Variants in CFAP45 observed in about 807,000 individuals in gnomAD.
The protein encoded by CFAP45 is cilia- and flagella-associated protein 45.
CFAP45 carries 43 observed loss-of-function variants against 75.6 expected under a neutral mutation model. That is an observed-to-expected ratio of 0.57 (90% CI 0.45 to 0.73). The LOEUF (loss-of-function observed/expected upper bound fraction) is 0.73, where lower values mean the gene tolerates loss of function less well. Ranked by LOEUF, CFAP45 falls within the 30% of genes least tolerant of loss-of-function variation. CFAP45 has a pLI of 0.00. For missense variants in CFAP45, 689 were observed against 701.5 expected (o/e 0.98, Z 0.20); for synonymous variants, 223 against 244.6 (o/e 0.91, Z 0.82).
Position 159,872,997 on chromosome 1 carries a change from C to G in CFAP45, c.1524G>C (p.Gln508His). 2 of 1,614,144 alleles carry G rather than the reference C, an allele frequency of 1.2e-6. No homozygotes were observed. The highest frequency in any genetic ancestry group is 1.7e-6 in the Non-Finnish European group (2 of 1,180,060). The change falls in exon 11 of 12, where the codon CAG becomes CAC. Residue 508 changes from glutamine to histidine, a missense_variant. Gln to His is a conservative substitution (Grantham distance 24). Coordinates refer to ENST00000368099, the MANE Select transcript of CFAP45 (RefSeq NM_012337.3). The stretch of plus-strand genomic sequence containing the variant: ...TCTCATCGATGCGCTCACGGCGTTT[C>G]TGGGCCTCCTCTTTGAGGCGCCGGC... ...EEGRRLKEEA[Q>H]KRRERIDEIK...
In CFAP45 at chr1:159,900,103, T is replaced by C; in HGVS notation, c.-5A>G. On this transcript the variant is annotated 5_prime_UTR_variant, in exon 1 of 12. Transcript: ENST00000368099. ...TCTGAGGTTCTCCCTCACCATCTCCTCAGCCACACGCCCTGACTCCGGACT... is the reference window on the plus strand; with the variant it reads ...TCTGAGGTTCTCCCTCACCATCTCCCCAGCCACACGCCCTGACTCCGGACT... The C allele has an allele frequency of 6.2e-7, 1 of 1,613,994 alleles. No individual in the cohort carries two copies. Among genetic ancestry groups the C allele is most frequent in the Non-Finnish European group, 8.5e-7 (1 of 1,179,972 alleles).
chr1:159,884,132 G>C (rs1032031478), intron 7 of CFAP45, among the ~76,000 whole-genome samples: 6 of 152,236 alleles, frequency 3.9e-5, no homozygotes, highest in African/African-American at 1.4e-4. Context: ...ACATCCCTAT[G>C]TTTACTTGTG....
Position 159,872,526 on chromosome 1 carries a change from C to T in CFAP45, c.1615G>A (p.Glu539Lys). The change falls in exon 12 of 12, where the codon GAG becomes AAG. Residue 539 changes from glutamate to lysine, a missense_variant. Transcript: ENST00000368099. ...GLPEKYCIEAERKANILPATS... is the reference protein window; with the variant it reads ...GLPEKYCIEAKRKANILPATS... Reference sequence around the variant, plus strand: ...GCTGGCAGGATGTTAGCTTTGCGCTCAGCTTCAATGCAGTACTTCTCGGGA... The same window carrying T: ...GCTGGCAGGATGTTAGCTTTGCGCTTAGCTTCAATGCAGTACTTCTCGGGA... 2 of 1,614,160 alleles carry T rather than the reference C, an allele frequency of 1.2e-6. No individual in the cohort carries two copies. The highest frequency in any genetic ancestry group is 1.1e-5 in the South Asian group (1 of 91,066).
chr1:159,877,875 AAAATAAATAAAT>A (rs56408622), intron 8 of CFAP45, among the ~76,000 whole-genome samples: 5 of 148,972 alleles, frequency 3.4e-5, no homozygotes, highest in African/African-American at 5.0e-5. Flanking sequence ...ACCTTGTCTC[AAAATAAATAAAT>A]AAATAAATAA....
chr1:159,897,088 A>C, intron 1 of CFAP45, among the ~76,000 whole-genome samples: 1 of 151,664 alleles, frequency 6.6e-6, no homozygotes, highest in South Asian at 2.1e-4. Context: ...ACATGGCAAA[A>C]CCCCATCTCT....
At position 159,900,149 on chromosome 1, in the gene CFAP45, G is replaced by T. The variant is rs200879197; in HGVS notation, c.-51C>A. ...GGACTTCTGCTGCCGCCTCGGCGCC[G>T]CCAAGGCCCTAGTGTTGACGCGTTA... On this transcript the variant is annotated 5_prime_UTR_variant, in exon 1 of 12. Transcript: ENST00000368099. The T allele has an allele frequency of 2.6e-5, 42 of 1,613,300 alleles. 3 individuals are homozygous for T. The Middle Eastern group carries it at 6.5e-3, about 249-fold the overall frequency.
intron 2 of CFAP45, 86 bp downstream of exon 2, chr1:159,893,094 T>A: frequency 6.8e-7 from 1 of 1,466,754 alleles, no homozygotes; most frequent in Non-Finnish European, 9.5e-7. Context: ...AGAGCAAGGT[T>A]ACTCAGCAGA....
At chr1:159,899,588 C>T (rs1487467523) in intron 1 of CFAP45, among the ~76,000 whole-genome samples, 2 of 151,688 alleles carry the variant, frequency 1.3e-5, no homozygotes, top group Non-Finnish European at 2.9e-5. Context: ...CTGCCTCAGC[C>T]TCCCGAGTAG....
intron 6 of CFAP45, among the ~76,000 whole-genome samples, chr1:159,885,885 G>C (rs567718763): frequency 1.4e-4 from 22 of 152,082 alleles, no homozygotes; most frequent in African/African-American, 5.3e-4. Context: ...GAAAGAAAAG[G>C]GTATTCAAAA....
chr1:159,893,337 A>G, intron 1 of CFAP45, 32 bp from the exon 2 acceptor site: 2 of 1,609,354 alleles, frequency 1.2e-6, no homozygotes, highest in South Asian at 1.1e-5. Context: ...TTGGGTCATC[A>G]GTACTGAGTG....
At chr1:159,886,461 A>C (rs1465087115) in intron 6 of CFAP45, 50 bp downstream of exon 6, 1 of 1,508,630 alleles carries the variant, frequency 6.6e-7, no homozygotes, top group South Asian at 1.1e-5. Context: ...ATGGACCTAA[A>C]GATACATGGA....
At chr1:159,881,244 A>G (rs1557912486) in intron 7 of CFAP45, among the ~76,000 whole-genome samples, 1 of 152,248 alleles carries the variant, frequency 6.6e-6, no homozygotes, top group African/African-American at 2.4e-5. Flanking sequence ...AAAGAAACTG[A>G]GGCCCAGCAT....
At chr1:159,887,668 G>C (rs1379120215) in intron 5 of CFAP45, among the ~76,000 whole-genome samples, 173 bp downstream of exon 5, 1 of 152,248 alleles carries the variant, frequency 6.6e-6, no homozygotes, top group Non-Finnish European at 1.5e-5. Flanking sequence ...CGAACAGGTG[G>C]CAGAGCCAGT....
intron 7 of CFAP45, among the ~76,000 whole-genome samples, chr1:159,883,288 C>CTGAATGAATGAATGAA (rs145427366): frequency 1.2e-3 from 185 of 151,174 alleles, no homozygotes; most frequent in African/African-American, 4.4e-3. Flanking sequence ...GAATGAAGAA[C>CTGAATGAATGAATGAA]TGAATGAATG....
intron 8 of CFAP45, among the ~76,000 whole-genome samples, chr1:159,880,149 AG>A (rs1438775016): frequency 6.6e-6 from 1 of 152,222 alleles, no homozygotes; most frequent in Non-Finnish European, 1.5e-5. Flanking sequence ...CACCCAATAC[AG>A]GATGTCCAAT....
Position 159,886,609 on chromosome 1 carries a change from T to G in CFAP45, c.669A>C (p.Thr223=), listed in dbSNP as rs777025315. ...TCATCTGATCCAACCGCTTCTCTTC[T>G]GTGTCCAGTTCTTTTTGGATCTGCT... is the stretch of plus-strand genomic sequence containing the variant. The part of the protein sequence containing the change: ...EKQQIQKELD[T]EEKRLDQMME... Residue 223 remains threonine (T), a synonymous_variant, in exon 6 of 12, where the codon ACA becomes ACC. Coordinates refer to ENST00000368099, the MANE Select transcript of CFAP45 (RefSeq NM_012337.3). The G allele has an allele frequency of 3.9e-5, 63 of 1,614,174 alleles. No homozygotes were observed. In the Middle Eastern group the frequency reaches 4.9e-4, roughly 13 times the overall value.
At chr1:159,891,127 A>G (rs4233361) in intron 2 of CFAP45, among the ~76,000 whole-genome samples, 113,964 of 152,122 alleles carry the variant, frequency 0.75, 42,813 homozygotes, top group East Asian at 0.83. Context: ...GGTAGGGATA[A>G]CAAGGAGTGG....
chr1:159,884,511 C>G lies in CFAP45; in HGVS notation c.822G>C (p.Leu274=), dbSNP rs375491975. The G allele has an allele frequency of 1.6e-5, 26 of 1,613,800 alleles. No individual in the cohort carries two copies. The highest frequency in any genetic ancestry group is 1.6e-4 in the Middle Eastern group (1 of 6,082). ...TCTCCTGCTCCCGCTGCTCAGCAAG[C>G]AGCGATCGCTCCTCCTGGTTCTTTT... ...QMEKNQEERS[L]LAEQREQEKE... is the part of the protein sequence containing the mutation. Residue 274 remains leucine (L), a synonymous_variant, in exon 7 of 12, where the codon CTG becomes CTC. Transcript: ENST00000368099.
chr1:159,897,761 T>C (rs1159852621), intron 1 of CFAP45, among the ~76,000 whole-genome samples: 2 of 151,528 alleles, frequency 1.3e-5, no homozygotes, highest in Admixed American at 1.3e-4. Context: ...ACCAATTTTA[T>C]GACCAGAAAA....
Sources: allele counts gnomAD v4.1 joint callset (sites outside exome capture counted in the v4.1 genomes callset), GRCh38; gene constraint gnomAD v4.1.1; transcripts MANE v1.5; gene names NCBI Gene and HGNC (gene_info 2026-07-23, HGNC 2026-07-21).